Variants in PLD5 observed in about 807,000 individuals in gnomAD.
The protein encoded by PLD5 is phospholipase D family member 5, also known as inactive phospholipase D5.
A neutral mutation model predicts 61.1 loss-of-function variants in PLD5; 36 were observed. The ratio of observed to expected loss-of-function variants is 0.59; its 90% confidence interval spans 0.45 to 0.78. The LOEUF (loss-of-function observed/expected upper bound fraction) is 0.78, where lower values mean the gene tolerates loss of function less well. PLD5 is among the 30% of genes least tolerant of loss of function. The probability of loss-of-function intolerance (pLI) is 0.00; values close to 1 mark genes in which losing one functional copy is unlikely to be tolerated. For missense variants in PLD5, 515 were observed against 644.4 expected (o/e 0.80, Z 2.17); for synonymous variants, 243 against 242.8 (o/e 1.00, Z -0.01).
intron 1 of PLD5, among the ~76,000 whole-genome samples, chr1:242,408,912 C>T (rs1449645941): frequency 6.6e-6 from 1 of 151,990 alleles, no homozygotes; most frequent in Admixed American, 6.5e-5. Flanking sequence ...ACTAAAAATA[C>T]AAAAGTTAGC....
chr1:242,114,049 C>G (rs1661749025), intron 6 of PLD5, 23 bp from the exon 7 acceptor site: 1 of 1,605,212 alleles, frequency 6.2e-7, no homozygotes, highest in Non-Finnish European at 8.5e-7. Flanking sequence ...AAAAGCCAAA[C>G]TTTTAGCGTA....
chr1:242,525,419 C>T (rs1260689909), upstream of PLD5, among the ~76,000 whole-genome samples: 1 of 152,210 alleles, frequency 6.6e-6, no homozygotes, highest in Non-Finnish European at 1.5e-5. Context: ...AACTGCTGTG[C>T]ATTTGTTTCT....
chr1:242,529,007 C>A (rs1669499784), upstream of PLD5, among the ~76,000 whole-genome samples: 1 of 152,144 alleles, frequency 6.6e-6, no homozygotes, highest in Non-Finnish European at 1.5e-5. Context: ...TATACAAGAC[C>A]ACATAAAATC....
intron 3 of PLD5, among the ~76,000 whole-genome samples, chr1:242,272,191 T>C (rs1410248346): frequency 7.9e-5 from 12 of 152,176 alleles, no homozygotes; most frequent in African/African-American, 2.9e-4. Context: ...TTTTATGAAA[T>C]GACACAATTT....
rs1448290744 is a variant in PLD5, at chr1:242,088,710, A to G, written c.*1144T>C. On this transcript the variant is annotated 3_prime_UTR_variant, in exon 10 of 10. Coordinates refer to ENST00000536534, the MANE Select transcript of PLD5 (RefSeq NM_001372062.1). Reference sequence around the variant, plus strand: ...CCATTAATACAGGGGTATATATTGTATAGATATAAAACAACAACACACAAT... The same window carrying G: ...CCATTAATACAGGGGTATATATTGTGTAGATATAAAACAACAACACACAAT... The G allele has an allele frequency of 6.6e-6, 1 of 152,214 alleles. No individual in the cohort carries two copies. Among genetic ancestry groups the G allele is most frequent in the Non-Finnish European group, 1.5e-5 (1 of 68,042 alleles). The allele number at this position is 152,214 out of a possible 1,614,324, so 9.4% of individuals were successfully genotyped here. A position where few individuals can be genotyped will look rare whatever the true frequency, so the allele number is the denominator to read the frequency against.
intron 2 of PLD5, among the ~76,000 whole-genome samples, chr1:242,336,409 A>G (rs1476881018): frequency 6.6e-6 from 1 of 152,188 alleles, no homozygotes; most frequent in Non-Finnish European, 1.5e-5. Context: ...AGGAACCTAA[A>G]TGTCTTTCAA....
Position 242,519,841 on chromosome 1 carries a change from G to A in PLD5, c.189+4247C>T, listed in dbSNP as rs574113019. Among the ~76,000 whole-genome samples the A allele has an allele frequency of 1.2e-4, 18 of 152,284 alleles. 1 individual carries two copies. Among genetic ancestry groups the A allele is most frequent in the Admixed American group, 5.2e-4 (8 of 15,286 alleles). ...CCGACCAAAGGACCACTCACTTAGC[G>A]TCCAGGATCATCATACAGGCTGATC... is the stretch of plus-strand genomic sequence containing the variant. On this transcript the variant is annotated intron_variant, in intron 1 of 9. Coordinates refer to ENST00000536534, the MANE Select transcript of PLD5 (RefSeq NM_001372062.1).
chr1:242,214,078 C>T (rs1001661187), intron 5 of PLD5, among the ~76,000 whole-genome samples: 1 of 152,128 alleles, frequency 6.6e-6, no homozygotes, highest in African/African-American at 2.4e-5. Flanking sequence ...GGACAAATAG[C>T]GCATGTCCTT....
chr1:242,204,440 C>G (rs1052248523), intron 5 of PLD5, among the ~76,000 whole-genome samples: 1 of 152,094 alleles, frequency 6.6e-6, no homozygotes, highest in Admixed American at 6.6e-5. Context: ...GGACAGTAAC[C>G]AAGGCGTTGC....
chr1:242,145,761 C>T (rs2148803282), intron 5 of PLD5, among the ~76,000 whole-genome samples: 1 of 152,294 alleles, frequency 6.6e-6, no homozygotes, highest in South Asian at 2.1e-4. Flanking sequence ...CAACCTCCGC[C>T]TCCTGGGTTT....
At position 242,256,747 on chromosome 1, in the gene PLD5, C is replaced by CTATCT; in HGVS notation, c.607+8589_607+8590insAGATA. 6.7e-6 allele frequency among the ~76,000 whole-genome samples: 1 copy of CTATCT among 148,222 alleles called. No homozygotes were observed. The highest frequency in any genetic ancestry group is 2.2e-4 in the South Asian group (1 of 4,504). On this transcript the variant is annotated intron_variant, in intron 4 of 9. Coordinates refer to ENST00000536534, the MANE Select transcript of PLD5 (RefSeq NM_001372062.1). This position sits in a 1 kb window ranked among gnomAD's most constrained non-coding sequence, Gnocchi z 5.7. ...AGCAGCACAAATGAACTAAGACTAT[C>CTATCT]ATCTATCTATCTATCTATCTATCTA...
chr1:242,197,962 A>T (rs1233594642), intron 5 of PLD5, among the ~76,000 whole-genome samples: 1 of 152,116 alleles, frequency 6.6e-6, no homozygotes, highest in Non-Finnish European at 1.5e-5. Context: ...TTACCTGCTT[A>T]TGTTCTTAGT....
chr1:242,395,788 G>T (rs544097483), intron 1 of PLD5, among the ~76,000 whole-genome samples: 1 of 152,206 alleles, frequency 6.6e-6, no homozygotes, highest in East Asian at 1.9e-4. Context: ...AGTGGCTCAC[G>T]CCTGTAATCC....
At chr1:242,372,882 G>A (rs1661717398) in intron 1 of PLD5, among the ~76,000 whole-genome samples, 1 of 152,054 alleles carries the variant, frequency 6.6e-6, no homozygotes, top group African/African-American at 2.4e-5. Flanking sequence ...CATAGGCATG[G>A]GCAAGGACTT....
intron 2 of PLD5, among the ~76,000 whole-genome samples, chr1:242,298,368 A>G (rs953104381): frequency 6.6e-6 from 1 of 152,234 alleles, no homozygotes; most frequent in African/African-American, 2.4e-5. Flanking sequence ...TTCTGCAGAT[A>G]TTATTACATA....
At chr1:242,260,371 C>T (rs911387585) in intron 4 of PLD5, among the ~76,000 whole-genome samples, 27 of 151,212 alleles carry the variant, frequency 1.8e-4, no homozygotes, top group Non-Finnish European at 2.9e-4. Context: ...AGAATTGTCA[C>T]GATTACTCCC....
intron 1 of PLD5, among the ~76,000 whole-genome samples, chr1:242,417,762 A>C (rs369176951): frequency 2.0e-4 from 31 of 152,296 alleles, no homozygotes; most frequent in African/African-American, 7.5e-4. Flanking sequence ...TGTGGAAGAA[A>C]GAGGCCAGTA....
intron 2 of PLD5, among the ~76,000 whole-genome samples, chr1:242,329,699 G>A (rs892662213): frequency 2.0e-5 from 3 of 152,140 alleles, no homozygotes; most frequent in Non-Finnish European, 4.4e-5. Context: ...CCATATCATC[G>A]GGGGAGTTTC....
chr1:242,374,474 G>A (rs184365113), intron 1 of PLD5, among the ~76,000 whole-genome samples: 3 of 152,116 alleles, frequency 2.0e-5, no homozygotes, highest in East Asian at 1.9e-4. Flanking sequence ...TCACCTGCTC[G>A]CCTATCTCTC....
Sources: gnomAD v4.1 joint callset for allele counts (sites outside exome capture counted in the v4.1 genomes callset) on GRCh38, gnomAD v4.1.1 for gene constraint, Gnocchi (gnomAD v3.1) non-coding constraint, MANE v1.5 for transcripts, NCBI Gene and HGNC (gene_info 2026-07-23, HGNC 2026-07-21) for gene names.